HOXB3: variants seen among roughly 807,000 people sequenced by gnomAD.
HOXB3 encodes homeobox protein Hox-B3.
HOXB3 carries 17 observed loss-of-function variants against 29.2 expected under a neutral mutation model. The ratio of observed to expected loss-of-function variants is 0.58; its 90% confidence interval spans 0.40 to 0.87. HOXB3 has a LOEUF of 0.87. HOXB3 is among the 40% of genes least tolerant of loss of function. The pLI, the probability that HOXB3 is intolerant of heterozygous loss-of-function variation, is 0.00. For missense variants in HOXB3, 637 were observed against 616.3 expected (o/e 1.03, Z -0.35); for synonymous variants, 317 against 285.9 (o/e 1.11, Z -1.10).
intron 2 of HOXB3, among the ~76,000 whole-genome samples, chr17:48,569,430 C>T (rs1213586403): frequency 1.3e-5 from 2 of 151,952 alleles, no homozygotes; most frequent in Admixed American, 1.3e-4. Flanking sequence ...GCCCACCTCT[C>T]CTCTCTCCCT....
At chr17:48,584,584 G>A (rs535214614) in intron 1 of HOXB3, among the ~76,000 whole-genome samples, 5 of 152,190 alleles carry the variant, frequency 3.3e-5, no homozygotes, top group African/African-American at 1.2e-4. Context: ...CTACAAAGAC[G>A]TGGGGGTAAT....
rs1306957830 is a variant in HOXB3 at position 48,552,394 on chromosome 17, G to A, written c.81C>T (p.Phe27=). The change falls in exon 4 of 5, where the codon TTC becomes TTT. Residue 27 remains phenylalanine (F), a synonymous_variant. Transcript: ENST00000498678. ...GGGGTTGGGGGGGGACATCGAAGCCGAAGCCATTGCTGCCAGGGTACGAGG... is the reference window on the plus strand; with the variant it reads ...GGGGTTGGGGGGGGACATCGAAGCCAAAGCCATTGCTGCCAGGGTACGAGG... The part of the protein sequence containing the change: ...GYSSYPGSNG[F]GFDVPPQPPF... The A allele has an allele frequency of 6.2e-7, 1 of 1,612,502 alleles. No homozygotes were observed. Among genetic ancestry groups the A allele is most frequent in the Non-Finnish European group, 8.5e-7 (1 of 1,178,940 alleles).
Position 48,552,551 on chromosome 17 carries a change from G to T in HOXB3, c.-77C>A, listed in dbSNP as rs1165031827. ...TCAGGACCGGACATTGGCAACCCTG[G>T]GGGTCACGTGACACGCCGGACCCCC... On this transcript the variant is annotated 5_prime_UTR_variant, in exon 4 of 5. Transcript: ENST00000498678. 4 of 1,192,934 alleles carry T rather than the reference G, an allele frequency of 3.4e-6. No homozygotes were observed. The highest frequency in any genetic ancestry group is 4.7e-6 in the Non-Finnish European group (4 of 859,526). 73.9% of individuals were successfully genotyped at this position (1,192,934 alleles called of 1,614,324 possible).
intron 1 of HOXB3, chr17:48,575,503 G>A (rs891038193): frequency 3.3e-5 from 5 of 152,198 alleles, no homozygotes; most frequent in Admixed American, 2.0e-4. Context: ...ACAAAAACAC[G>A]CTGTGCTGGT....
At chr17:48,590,104 C>G (rs568374557) in intron 1 of HOXB3, 21 bp downstream of exon 1, 37 of 152,372 alleles carry the variant, frequency 2.4e-4, no homozygotes, top group African/African-American at 8.9e-4. Context: ...GGGGTAAAAG[C>G]GAAAGCTGAA....
chr17:48,559,447 T>C (rs1384068657), intron 2 of HOXB3: 7 of 152,192 alleles, frequency 4.6e-5, no homozygotes, highest in African/African-American at 1.7e-4. Context: ...TGGGGCGAGA[T>C]GTTTGGCGAT....
At chr17:48,568,049 T>G (rs1459795199) in intron 2 of HOXB3, among the ~76,000 whole-genome samples, 1 of 152,222 alleles carries the variant, frequency 6.6e-6, no homozygotes, top group Non-Finnish European at 1.5e-5. Flanking sequence ...CTCCCATCCC[T>G]TTCCAATTGC....
intron 1 of HOXB3, chr17:48,581,023 C>A (rs139459113): frequency 6.6e-6 from 1 of 152,260 alleles, no homozygotes; most frequent in East Asian, 1.9e-4. Flanking sequence ...TACTCAACTC[C>A]CTAGGTCTGA....
intron 2 of HOXB3, among the ~76,000 whole-genome samples, chr17:48,556,082 A>C (rs970045568): frequency 6.6e-6 from 1 of 151,924 alleles, no homozygotes; most frequent in Admixed American, 6.6e-5. Context: ...GGTGATGGGG[A>C]AGGGGGGAAA....
intron 1 of HOXB3, among the ~76,000 whole-genome samples, chr17:48,583,818 A>G (rs1210932377): frequency 6.6e-6 from 1 of 152,234 alleles, no homozygotes; most frequent in Non-Finnish European, 1.5e-5. Context: ...AAACTCACCT[A>G]AGGACTAAGC....
In HOXB3 at chr17:48,552,598, C is replaced by T. The variant is rs2068807477; in HGVS notation, c.-124G>A. The T allele has an allele frequency of 2.9e-6, 2 of 678,348 alleles. No homozygotes were observed. The highest frequency in any genetic ancestry group is 4.8e-6 in the Non-Finnish European group (2 of 415,894). The allele number at this position is 678,348 out of a possible 1,614,324, so 42.0% of individuals were successfully genotyped here. A position where few individuals can be genotyped will look rare whatever the true frequency, so the allele number is the denominator to read the frequency against. On this transcript the variant is annotated 5_prime_UTR_variant, in exon 4 of 5. Transcript: ENST00000498678. ...CCCCCCCCCCCACCTCCCCTCTCTG[C>T]CCCCCTCCTCCGGGGTCTGTTCCAA...
chr17:48,576,633 C>CCCAAGGCCCCCA, intron 1 of HOXB3: 1 of 1,204,310 alleles, frequency 8.3e-7, no homozygotes, highest in Non-Finnish European at 1.1e-6. Context: ...GGGCCCAGGC[C>CCCAAGGCCCCCA]CCAGGGCCCC....
intron 1 of HOXB3, among the ~76,000 whole-genome samples, chr17:48,587,436 C>T (rs1158165830): frequency 6.6e-6 from 1 of 152,134 alleles, no homozygotes; most frequent in African/African-American, 2.4e-5. Context: ...CGAGATTGAC[C>T]AGGTTGGTCC....
chr17:48,571,073 G>A (rs1367775151), intron 2 of HOXB3, among the ~76,000 whole-genome samples: 1 of 152,336 alleles, frequency 6.6e-6, no homozygotes, highest in East Asian at 1.9e-4. Context: ...AGCAGGTTCT[G>A]TTAAAATGAC....
At chr17:48,569,553 G>A (rs2740758) in intron 2 of HOXB3, among the ~76,000 whole-genome samples, 3,798 of 152,238 alleles carry the variant, frequency 0.025, 48 homozygotes, top group African/African-American at 0.034. Context: ...GGATTTCTCA[G>A]CTTCCAGTTC....
At chr17:48,584,584 G>T (rs535214614) in intron 1 of HOXB3, among the ~76,000 whole-genome samples, 2 of 152,308 alleles carry the variant, frequency 1.3e-5, no homozygotes, top group African/African-American at 2.4e-5. Flanking sequence ...CTACAAAGAC[G>T]TGGGGGTAAT....
At chr17:48,567,783 AAC>A (rs2069437188) in intron 2 of HOXB3, among the ~76,000 whole-genome samples, 1 of 152,202 alleles carries the variant, frequency 6.6e-6, no homozygotes, top group Non-Finnish European at 1.5e-5. Context: ...TTTAGCCCCA[AAC>A]ACAGAGTCCC....
intron 1 of HOXB3, among the ~76,000 whole-genome samples, chr17:48,584,936 C>T (rs2070018239): frequency 6.7e-6 from 1 of 150,176 alleles, no homozygotes; most frequent in African/African-American, 2.5e-5. Context: ...ACCCCGCCCC[C>T]GCCGCTAGTC....
intron 1 of HOXB3, chr17:48,578,499 A>G: frequency 4.3e-6 from 3 of 699,056 alleles, no homozygotes; most frequent in East Asian, 3.1e-5. Context: ...GCTCACCCGG[A>G]CCCCACTCCA....
Sources: allele counts gnomAD v4.1 joint callset (sites outside exome capture counted in the v4.1 genomes callset), GRCh38; gene constraint gnomAD v4.1.1; transcripts MANE v1.5; gene names NCBI Gene and HGNC (gene_info 2026-07-23, HGNC 2026-07-21).